PCTP: variants seen among roughly 807,000 people sequenced by gnomAD.
PCTP encodes the protein phosphatidylcholine transfer protein.
PCTP carries 27 observed loss-of-function variants against 31.0 expected under a neutral mutation model. The ratio of observed to expected loss-of-function variants is 0.87; its 90% CI spans 0.64 to 1.20. PCTP has a LOEUF of 1.20. PCTP is among the 50% of genes most tolerant of loss of function. PCTP has a pLI of 0.00. For missense variants in PCTP, 287 were observed against 268.2 expected (o/e 1.07, Z -0.49); for synonymous variants, 108 against 101.2 (o/e 1.07, Z -0.40).
chr17:55,781,545 C>A (rs1911564644), downstream of PCTP, among the ~76,000 whole-genome samples: 1 of 152,214 alleles, frequency 6.6e-6, no homozygotes, highest in Non-Finnish European at 1.5e-5. Flanking sequence ...CCTTGTCATG[C>A]ACCACATCAT....
intron 3 of PCTP, among the ~76,000 whole-genome samples, chr17:55,771,846 G>A (rs1033959515): frequency 8.5e-5 from 13 of 152,138 alleles, no homozygotes; most frequent in Non-Finnish European, 1.3e-4. Context: ...GGGTGGGTAG[G>A]ATGGAAGTAG....
At position 55,831,038 on chromosome 17, in the gene PCTP, C is replaced by T. The variant is rs369145788; in HGVS notation, n.505+8111C>T. The stretch of plus-strand genomic sequence containing the variant: ...TGCCAGGTTTGCAGGGCAGGGGCAG[C>T]AGCCTTCTTCCCTTTTGCCCAAATA... On this transcript the variant is annotated intron_variant and non_coding_transcript_variant, in intron 5 of 5. Coordinates refer to the PCTP transcript ENST00000576221. 4.1e-4 allele frequency among the ~76,000 whole-genome samples: 62 copies of T among 152,338 alleles called. No homozygotes were observed. In the East Asian group the frequency reaches 5.2e-3, roughly 13 times the overall value.
At chr17:55,810,151 C>A (rs1912701359) in intron 3 of PCTP, among the ~76,000 whole-genome samples, 1 of 152,130 alleles carries the variant, frequency 6.6e-6, no homozygotes, top group Non-Finnish European at 1.5e-5. Flanking sequence ...TCCATAGTAG[C>A]TGGGACCACA....
chr17:55,801,002 C>T (rs1389680094), intron 3 of PCTP, among the ~76,000 whole-genome samples: 5 of 152,072 alleles, frequency 3.3e-5, no homozygotes, highest in Non-Finnish European at 5.9e-5. Context: ...CTGGAAGCTT[C>T]GTCCCAGAGG....
intron 3 of PCTP, 85 bp downstream of exon 3, chr17:55,771,270 C>A: frequency 9.4e-7 from 1 of 1,060,452 alleles, no homozygotes. Flanking sequence ...AGAGGTAGAG[C>A]TGGTTTCTCA....
chr17:55,798,800 C>T (rs547802501), intron 3 of PCTP, among the ~76,000 whole-genome samples: 2 of 151,674 alleles, frequency 1.3e-5, no homozygotes, highest in East Asian at 3.9e-4. Context: ...TAATGAAGAA[C>T]AACATAAAGA....
chr17:55,778,620 T>TGGGCAG (rs1911450168), downstream of PCTP, among the ~76,000 whole-genome samples: 1 of 151,266 alleles, frequency 6.6e-6, no homozygotes, highest in Non-Finnish European at 1.5e-5. Context: ...GGGTGCGGGG[T>TGGGCAG]GGGCGGTTTC....
At chr17:55,834,391 C>T (rs971893719) in intron 5 of PCTP, among the ~76,000 whole-genome samples, 9 of 152,060 alleles carry the variant, frequency 5.9e-5, no homozygotes, top group African/African-American at 2.2e-4. Flanking sequence ...TGTGTTGTTC[C>T]CCTCCCTGTG....
chr17:55,846,727 A>T (rs150075346), downstream of PCTP, among the ~76,000 whole-genome samples: 1 of 152,218 alleles, frequency 6.6e-6, no homozygotes, highest in Non-Finnish European at 1.5e-5. Context: ...GATAGTTCTT[A>T]TAGGTAGTTA....
intron 3 of PCTP, among the ~76,000 whole-genome samples, chr17:55,817,454 A>G (rs1464062929): frequency 6.6e-6 from 1 of 152,226 alleles, no homozygotes; most frequent in Non-Finnish European, 1.5e-5. Flanking sequence ...AGAAATGACC[A>G]TCTTGTGCTT....
intron 5 of PCTP, among the ~76,000 whole-genome samples, chr17:55,834,058 A>G (rs1487017442): frequency 1.2e-4 from 18 of 152,198 alleles, no homozygotes; most frequent in Admixed American, 1.1e-3. Context: ...CTCACGAAAC[A>G]CAAGCATAAG....
chr17:55,778,640 C>T (rs1045437681), downstream of PCTP, among the ~76,000 whole-genome samples: 15 of 151,920 alleles, frequency 9.9e-5, no homozygotes, highest in Admixed American at 9.2e-4. Flanking sequence ...CTAGATTTCC[C>T]AGGTTCCCAT....
downstream of PCTP, among the ~76,000 whole-genome samples, chr17:55,847,409 C>T (rs553706416): frequency 3.9e-5 from 6 of 152,242 alleles, no homozygotes; most frequent in South Asian, 2.1e-4. Flanking sequence ...ATCAGGGGGG[C>T]GTTTCCCCTA....
At chr17:55,769,803 CAG>C (rs1286754786) in intron 2 of PCTP, 2 of 152,284 alleles carry the variant, frequency 1.3e-5, no homozygotes, top group Non-Finnish European at 2.9e-5. Flanking sequence ...GAAATTACTG[CAG>C]AGTCAGTCTT....
At chr17:55,844,571 G>A (rs1214009078), downstream of PCTP, among the ~76,000 whole-genome samples, 1 of 152,080 alleles carries the variant, frequency 6.6e-6, no homozygotes, top group East Asian at 1.9e-4. Flanking sequence ...TCTGGAGAAG[G>A]GGAGGTAGCC....
chr17:55,840,267 A>G (rs1905930523), intron 5 of PCTP, among the ~76,000 whole-genome samples: 1 of 152,176 alleles, frequency 6.6e-6, no homozygotes. Context: ...AGCCATAATT[A>G]TTTCCATAGC....
chr17:55,803,214 A>G (rs1912448544), intron 3 of PCTP, among the ~76,000 whole-genome samples: 1 of 152,218 alleles, frequency 6.6e-6, no homozygotes, highest in African/African-American at 2.4e-5. Context: ...AAGAGAGGAC[A>G]TAAACAAATG....
At chr17:55,769,004 G>C (rs1030532815) in intron 2 of PCTP, 13 of 152,212 alleles carry the variant, frequency 8.5e-5, no homozygotes, top group African/African-American at 3.1e-4. Context: ...AAGTCCAGGG[G>C]TTTCTAACTT....
rs761400564 is a variant in PCTP, at chr17:55,776,112, G to A, written c.*12G>A. 1 of 1,613,696 alleles carries A rather than the reference G, an allele frequency of 6.2e-7. No individual in the cohort carries two copies. Among genetic ancestry groups the A allele is most frequent in the South Asian group, 1.1e-5 (1 of 90,988 alleles). On this transcript the variant is annotated 3_prime_UTR_variant, in exon 6 of 6. Transcript: ENST00000268896. ...TCAAGAAAACCTAAGAAAGAGAACT[G>A]GGAACATTGCATCCATGGGTTGATG...
Sources: gnomAD v4.1 joint callset for allele counts (sites outside exome capture counted in the v4.1 genomes callset) on GRCh38, gnomAD v4.1.1 for gene constraint, MANE v1.5 for transcripts, NCBI Gene and HGNC (gene_info 2026-07-23, HGNC 2026-07-21) for gene names.